UBA5: variants seen among roughly 807,000 people sequenced by gnomAD.
UBA5 encodes the protein ubiquitin like modifier activating enzyme 5.
UBA5 carries 28 observed loss-of-function variants against 52.9 expected under a neutral mutation model. That is an observed-to-expected ratio of 0.53 (90% confidence interval 0.39 to 0.73). The LOEUF (loss-of-function observed/expected upper bound fraction) is 0.73, where lower values mean the gene tolerates loss of function less well. Among genes scored for constraint, UBA5 ranks in the 30% least tolerant of loss-of-function variants. UBA5 has a pLI of 0.00. For missense variants in UBA5, 388 were observed against 492.7 expected (o/e 0.79, Z 2.01); for synonymous variants, 135 against 162.1 (o/e 0.83, Z 1.27).
At chr3:132,670,943 C>G in intron 5 of UBA5, 22 bp from the exon 6 acceptor site, 1 of 1,599,586 alleles carries the variant, frequency 6.3e-7, no homozygotes, top group South Asian at 1.1e-5. Flanking sequence ...TGATGTTTTT[C>G]AAACTTATTT....
At chr3:132,656,620 A>G (rs1937819860), upstream of UBA5, among the ~76,000 whole-genome samples, 1 of 151,764 alleles carries the variant, frequency 6.6e-6, no homozygotes, top group Admixed American at 6.6e-5. Flanking sequence ...CAGCCTCCCG[A>G]GTAGCTGGGA....
intron 8 of UBA5, among the ~76,000 whole-genome samples, chr3:132,673,021 G>A (rs1039996118): frequency 1.3e-5 from 2 of 152,086 alleles, no homozygotes; most frequent in Non-Finnish European, 2.9e-5. Flanking sequence ...ACACAAGGAG[G>A]TACCAATCAA....
At chr3:132,670,922 A>T (rs1205664165) in intron 5 of UBA5, 43 bp from the exon 6 acceptor site, 10 of 1,435,720 alleles carry the variant, frequency 7.0e-6, no homozygotes, top group Non-Finnish European at 9.8e-6. Context: ...ATTAGAGTGT[A>T]TTTTGTGTCC....
In UBA5 at chr3:132,678,288, C is replaced by CAGAA. The variant is rs1938917832; in HGVS notation, c.*1762_*1763insAGAA. Among the ~76,000 whole-genome samples, 1 of 152,156 alleles carries CAGAA rather than the reference C, an allele frequency of 6.6e-6. No individual in the cohort carries two copies. The highest frequency in any genetic ancestry group is 6.6e-5 in the Admixed American group (1 of 15,266). ...AGAGATGTTGCTATCCTAGAATACT[C>CAGAA]TCTTGACAGTCTGTATGCCATGAAA... On this transcript the variant is annotated 3_prime_UTR_variant, in exon 12 of 12. Coordinates refer to ENST00000356232, the MANE Select transcript of UBA5 (RefSeq NM_024818.6).
At chr3:132,658,625 C>G (rs531626809), upstream of UBA5, among the ~76,000 whole-genome samples, 1 of 152,184 alleles carries the variant, frequency 6.6e-6, no homozygotes, top group East Asian at 1.9e-4. Context: ...CTCAGCTATT[C>G]TTTATTCCAC....
intron 10 of UBA5, 66 bp downstream of exon 10, chr3:132,675,746 T>G: frequency 1.9e-6 from 3 of 1,540,468 alleles, no homozygotes; most frequent in Non-Finnish European, 8.9e-7. Context: ...GCAAATCTAA[T>G]AAGATTATAC....
chr3:132,659,899 T>G, upstream of UBA5: 1 of 965,720 alleles, frequency 1.0e-6, no homozygotes, highest in Non-Finnish European at 1.4e-6. Flanking sequence ...TACGCGCCGT[T>G]GCTGAGCAAC....
In UBA5 at chr3:132,678,289, T is replaced by TATC. The variant is rs1938918050; in HGVS notation, c.*1763_*1764insATC. Among the ~76,000 whole-genome samples the TATC allele has an allele frequency of 6.6e-6, 1 of 152,220 alleles. No homozygotes were observed. Among genetic ancestry groups the TATC allele is most frequent in the Admixed American group, 6.5e-5 (1 of 15,280 alleles). Reference sequence around the variant, plus strand: ...GAGATGTTGCTATCCTAGAATACTCTCTTGACAGTCTGTATGCCATGAAAA... The same window carrying TATC: ...GAGATGTTGCTATCCTAGAATACTCTATCCTTGACAGTCTGTATGCCATGAAAA... On this transcript the variant is annotated 3_prime_UTR_variant, in exon 12 of 12. Transcript: ENST00000356232.
chr3:132,671,533 G>T (rs759166541), intron 6 of UBA5, among the ~76,000 whole-genome samples: 3 of 152,054 alleles, frequency 2.0e-5, no homozygotes, highest in Non-Finnish European at 4.4e-5. Context: ...AATTTGACAA[G>T]AAATCCAATA....
chr3:132,658,006 C>A (rs145403308), upstream of UBA5, among the ~76,000 whole-genome samples: 5,702 of 151,754 alleles, frequency 0.038, 358 homozygotes, highest in African/African-American at 0.13. Context: ...GGACTACAGG[C>A]ACGTGCCACC....
intron 8 of UBA5, among the ~76,000 whole-genome samples, 192 bp downstream of exon 8, chr3:132,672,369 C>CAT (rs3046203): frequency 0.31 from 47,611 of 151,842 alleles, 11,180 homozygotes; most frequent in African/African-American, 0.67. Context: ...GTCTACTTTT[C>CAT]ATATATATTG....
intron 4 of UBA5, among the ~76,000 whole-genome samples, chr3:132,669,459 G>A (rs1938513073): frequency 6.6e-6 from 1 of 151,950 alleles, no homozygotes; most frequent in South Asian, 2.1e-4. Flanking sequence ...GCAGAGATGG[G>A]GTTTTGCCAC....
At chr3:132,655,309 T>G (rs995018585) in intron 1 of UBA5, among the ~76,000 whole-genome samples, 22 of 152,176 alleles carry the variant, frequency 1.4e-4, no homozygotes, top group Non-Finnish European at 7.3e-5. Flanking sequence ...TTCTGTTTTT[T>G]TTGTTGTTGT....
At position 132,671,803 on chromosome 3, in the gene UBA5, G is replaced by C; in HGVS notation, c.606G>C (p.Trp202Cys). 1.2e-6 allele frequency: 2 copies of C among 1,613,220 alleles called. No homozygotes were observed. The highest frequency in any genetic ancestry group is 1.7e-6 in the Non-Finnish European group (2 of 1,179,696). Residue 202 changes from tryptophan to cysteine, a missense_variant, in exon 7 of 12, where the codon TGG (tryptophan) becomes TGC (cysteine). Trp to Cys is a radical substitution (Grantham distance 215). Around this residue, in one of 3 missense-constraint regions of UBA5, gnomAD observed 277 missense variants for 326.4 expected, o/e 0.85. Transcript: ENST00000356232. The stretch of plus-strand genomic sequence containing the variant: ...CTTGTAATGAACTTGGACAAACATG[G>C]ATGGAATCTGGGGTCAGTGAAAATG... ...NTACNELGQTWMESGVSENAV... is the reference protein window; with the variant it reads ...NTACNELGQTCMESGVSENAV...
Position 132,675,860 on chromosome 3 carries a change from T to G in UBA5, c.1068T>G (p.Asn356Lys), listed in dbSNP as rs1477033182. 15 of 1,611,458 alleles carry G rather than the reference T, an allele frequency of 9.3e-6. No homozygotes were observed. Among genetic ancestry groups the G allele is most frequent in the African/African-American group, 1.3e-5 (1 of 74,824 alleles). ...AGGTTTCAGAAGAGGAACTGAAAAA[T>G]TTTTCAGGTCCAGTTCCAGACTTAC... ...VSEVSEEELK[N>K]FSGPVPDLPE... The change falls in exon 11 of 12, where the codon AAT (asparagine) becomes AAG (lysine). Residue 356 changes from asparagine (N) to lysine (K), a missense_variant. Around this residue, in one of 3 missense-constraint regions of UBA5, gnomAD observed 277 missense variants for 326.4 expected, o/e 0.85. Transcript: ENST00000356232.
chr3:132,670,436 T>C, intron 5 of UBA5, 152 bp downstream of exon 5: 1 of 500,738 alleles, frequency 2.0e-6, no homozygotes, highest in Non-Finnish European at 3.5e-6. Flanking sequence ...TTTTTATGTA[T>C]TAGAATATCA....
chr3:132,664,882 A>G (rs1233405378), intron 1 of UBA5, among the ~76,000 whole-genome samples: 1 of 152,174 alleles, frequency 6.6e-6, no homozygotes, highest in African/African-American at 2.4e-5. Context: ...ATATGAATGT[A>G]TCTAGAGGAA....
chr3:132,661,048 G>C (rs1938136314), intron 1 of UBA5: 2 of 1,348,148 alleles, frequency 1.5e-6, no homozygotes, highest in African/African-American at 2.9e-5. Context: ...AACCTGCTAA[G>C]GTAAACTTTG....
At chr3:132,662,572 G>A (rs1423413281) in intron 1 of UBA5, among the ~76,000 whole-genome samples, 1 of 152,214 alleles carries the variant, frequency 6.6e-6, no homozygotes, top group Non-Finnish European at 1.5e-5. Context: ...AAAGGGATAT[G>A]TATGTGTTCA....
Sources: allele counts gnomAD v4.1 joint callset (sites outside exome capture counted in the v4.1 genomes callset), GRCh38; gene constraint gnomAD v4.1.1; regional missense constraint gnomAD v4.1.1; transcripts MANE v1.5; gene names NCBI Gene and HGNC (gene_info 2026-07-23, HGNC 2026-07-21).